The following CDK14 variants were observed in gnomAD, a reference collection of about 807,000 sequenced individuals.
CDK14 encodes cyclin dependent kinase 14, also known as cyclin-dependent kinase 14.
CDK14 carries 34 observed loss-of-function variants against 60.7 expected under a neutral mutation model. The ratio of observed to expected loss-of-function variants is 0.56; its 90% confidence interval spans 0.43 to 0.75. The LOEUF is 0.75. Ranked by LOEUF, CDK14 falls within the 30% of genes least tolerant of loss-of-function variation. The probability of loss-of-function intolerance (pLI) is 0.00; values close to 1 mark genes in which losing one functional copy is unlikely to be tolerated. For missense variants in CDK14, 482 were observed against 564.1 expected (o/e 0.85, Z 1.47); for synonymous variants, 197 against 203.7 (o/e 0.97, Z 0.28).
chr7:90,634,542 T>C (rs1800087740), intron 2 of CDK14, among the ~76,000 whole-genome samples: 1 of 152,004 alleles, frequency 6.6e-6, no homozygotes, highest in Non-Finnish European at 1.5e-5. Context: ...TTGTTGGACA[T>C]TTGGGTTGGT....
chr7:90,791,054 C>A (rs1399605096), intron 5 of CDK14, among the ~76,000 whole-genome samples: 1 of 152,066 alleles, frequency 6.6e-6, no homozygotes, highest in African/African-American at 2.4e-5. Context: ...AATTTCTTTT[C>A]TTCCTTTGTT....
intron 2 of CDK14, among the ~76,000 whole-genome samples, chr7:90,688,983 A>G (rs1300419882): frequency 1.3e-5 from 2 of 152,024 alleles, no homozygotes; most frequent in African/African-American, 4.8e-5. Context: ...TGGTTAGTAA[A>G]CCAGAAAGAA....
At chr7:90,664,376 T>C (rs1800928122) in intron 2 of CDK14, among the ~76,000 whole-genome samples, 1 of 152,274 alleles carries the variant, frequency 6.6e-6, no homozygotes, top group South Asian at 2.1e-4. Flanking sequence ...TGGAAGTCGG[T>C]GTGGCGATTC....
intron 14 of CDK14, among the ~76,000 whole-genome samples, chr7:91,168,358 T>C (rs1432866806): frequency 6.6e-6 from 1 of 152,056 alleles, no homozygotes; most frequent in African/African-American, 2.4e-5. Flanking sequence ...GCCTGGCACA[T>C]AGGAAACATT....
At chr7:91,051,203 C>CCTT (rs1462900351) in intron 11 of CDK14, among the ~76,000 whole-genome samples, 1 of 152,158 alleles carries the variant, frequency 6.6e-6, no homozygotes, top group East Asian at 1.9e-4. Flanking sequence ...CTGGAGAAGA[C>CCTT]ACTGAGTTAT....
intron 5 of CDK14, among the ~76,000 whole-genome samples, chr7:90,848,752 A>G (rs1285264253): frequency 2.0e-5 from 3 of 152,186 alleles, no homozygotes; most frequent in African/African-American, 7.2e-5. Context: ...AAATCTGCCA[A>G]TCAATGAATC....
chr7:91,022,862 A>G (rs1268652873), intron 10 of CDK14, among the ~76,000 whole-genome samples: 2 of 152,234 alleles, frequency 1.3e-5, no homozygotes, highest in Non-Finnish European at 2.9e-5. Flanking sequence ...GCATGTAAGA[A>G]GAATTATTTC....
intron 11 of CDK14, among the ~76,000 whole-genome samples, chr7:91,052,164 A>C (rs1184520198): frequency 1.3e-5 from 2 of 152,044 alleles, no homozygotes; most frequent in African/African-American, 4.8e-5. Context: ...AAGCAAAGTG[A>C]ATGTTTGAGC....
In CDK14 at chr7:90,738,553, T is replaced by A. The variant is rs1191084849; in HGVS notation, c.370-9128T>A. Among the ~76,000 whole-genome samples, 3 of 152,180 alleles carry A rather than the reference T, an allele frequency of 2.0e-5. No homozygotes were observed. In the East Asian group the frequency reaches 5.8e-4, roughly 29 times the overall value. ...TTCTCTATACTTTTATTCAGTTTTT[T>A]AAAAAAGTGTTAACATCATCTCATT... On this transcript the variant is annotated intron_variant, in intron 3 of 14. Coordinates refer to ENST00000380050, the MANE Select transcript of CDK14 (RefSeq NM_001287135.2).
At chr7:90,598,520 C>T (rs187392670) in intron 1 of CDK14, among the ~76,000 whole-genome samples, 12 of 152,108 alleles carry the variant, frequency 7.9e-5, no homozygotes, top group Middle Eastern at 3.4e-3. Flanking sequence ...AAATATGATT[C>T]TGAATCGTAG....
At chr7:90,680,515 C>T (rs1181911718) in intron 2 of CDK14, among the ~76,000 whole-genome samples, 1 of 151,968 alleles carries the variant, frequency 6.6e-6, no homozygotes, top group African/African-American at 2.4e-5. Flanking sequence ...CAGATGAGAC[C>T]CTCAGGTCAG....
At chr7:90,959,591 A>G (rs1036751412) in intron 9 of CDK14, among the ~76,000 whole-genome samples, 2 of 152,256 alleles carry the variant, frequency 1.3e-5, no homozygotes. Flanking sequence ...CAGTTCATTT[A>G]TCAGCATGGG....
At chr7:90,638,825 C>T (rs1304015818) in intron 2 of CDK14, among the ~76,000 whole-genome samples, 4 of 151,528 alleles carry the variant, frequency 2.6e-5, no homozygotes, top group Non-Finnish European at 4.4e-5. Flanking sequence ...AGGCTTTGTT[C>T]GTTTCTTTTT....
At chr7:91,006,365 G>A (rs1352801685) in intron 10 of CDK14, among the ~76,000 whole-genome samples, 2 of 152,164 alleles carry the variant, frequency 1.3e-5, no homozygotes, top group Non-Finnish European at 2.9e-5. Flanking sequence ...GGCAAGTTAA[G>A]TAGAAAGAAG....
chr7:90,882,492 T>C (rs1223871307), intron 6 of CDK14, among the ~76,000 whole-genome samples: 1 of 152,172 alleles, frequency 6.6e-6, no homozygotes, highest in Admixed American at 6.5e-5. Flanking sequence ...CACAAAATAG[T>C]AGTGGGAAAC....
At chr7:91,143,899 A>T (rs968421149) in intron 14 of CDK14, among the ~76,000 whole-genome samples, 1 of 152,168 alleles carries the variant, frequency 6.6e-6, no homozygotes, top group Non-Finnish European at 1.5e-5. Flanking sequence ...CATGTCCTCA[A>T]TGTCTTACAG....
At chr7:90,779,946 C>T (rs190922378) in intron 4 of CDK14, among the ~76,000 whole-genome samples, 65 of 152,182 alleles carry the variant, frequency 4.3e-4, no homozygotes, top group African/African-American at 1.5e-3. Flanking sequence ...CATGGGTTAC[C>T]CCTACCATGC....
chr7:90,626,584 C>G (rs1009880709), intron 2 of CDK14, among the ~76,000 whole-genome samples: 30 of 152,300 alleles, frequency 2.0e-4, no homozygotes, highest in Middle Eastern at 3.4e-3. Flanking sequence ...TCGACCAGCA[C>G]TGTTCAATAG....
chr7:90,714,790 A>T (rs774557963), intron 2 of CDK14, among the ~76,000 whole-genome samples: 1 of 152,080 alleles, frequency 6.6e-6, no homozygotes. Flanking sequence ...ACTTTATAAC[A>T]TCATTCTTGA....
Sources: gnomAD v4.1 joint callset for allele counts (sites outside exome capture counted in the v4.1 genomes callset) on GRCh38, gnomAD v4.1.1 for gene constraint, MANE v1.5 for transcripts, NCBI Gene and HGNC (gene_info 2026-07-23, HGNC 2026-07-21) for gene names.